ARIH1: variants seen among roughly 807,000 people sequenced by gnomAD.
ARIH1 encodes the protein ariadne RBR E3 ubiquitin protein ligase 1, also known as E3 ubiquitin-protein ligase ARIH1.
A neutral mutation model predicts 85.0 loss-of-function variants in ARIH1; 8 were observed. The ratio of observed to expected loss-of-function variants is 0.09; its 90% CI spans 0.06 to 0.17. The LOEUF (loss-of-function observed/expected upper bound fraction) is 0.17. Among genes scored for constraint, ARIH1 ranks in the 10% least tolerant of loss-of-function variants. The probability of loss-of-function intolerance (pLI) is 1.00; values close to 1 mark genes in which losing one functional copy is unlikely to be tolerated. For missense variants in ARIH1, 311 were observed against 718.1 expected (o/e 0.43, Z 6.48); for synonymous variants, 238 against 253.6 (o/e 0.94, Z 0.59).
chr15:72,562,319 C>T (rs538158173), intron 6 of ARIH1, among the ~76,000 whole-genome samples: 1 of 152,298 alleles, frequency 6.6e-6, no homozygotes, highest in Non-Finnish European at 1.5e-5. Context: ...TTCTGGCCTG[C>T]AAAACCAAAA....
intron 7 of ARIH1, among the ~76,000 whole-genome samples, 177 bp downstream of exon 7, chr15:72,563,677 A>G (rs1033108128): frequency 6.6e-6 from 1 of 152,210 alleles, no homozygotes; most frequent in African/African-American, 2.4e-5. Flanking sequence ...ACATCTTAAA[A>G]AAATTTTTCC....
At chr15:72,557,567 T>G (rs1185607009) in intron 5 of ARIH1, among the ~76,000 whole-genome samples, 2 of 152,222 alleles carry the variant, frequency 1.3e-5, no homozygotes, top group South Asian at 2.1e-4. Context: ...GTCCCACTTG[T>G]CAATTTTTGC....
chr15:72,499,604 T>G (rs2063894634), intron 1 of ARIH1, among the ~76,000 whole-genome samples: 1 of 152,246 alleles, frequency 6.6e-6, no homozygotes, highest in South Asian at 2.1e-4. Context: ...ATCAATGACA[T>G]TCTAAGTAGT....
intron 1 of ARIH1, among the ~76,000 whole-genome samples, chr15:72,485,068 C>T (rs2063832347): frequency 6.6e-6 from 1 of 152,190 alleles, no homozygotes; most frequent in South Asian, 2.1e-4. Context: ...GTTCCCTTCT[C>T]ACCACATCCA....
At chr15:72,521,546 A>G (rs1057433526) in intron 2 of ARIH1, among the ~76,000 whole-genome samples, 2 of 150,910 alleles carry the variant, frequency 1.3e-5, no homozygotes, top group Non-Finnish European at 3.0e-5. Flanking sequence ...CATGTCTTCT[A>G]ACTTTTTTTT....
intron 2 of ARIH1, among the ~76,000 whole-genome samples, chr15:72,535,701 AAGT>A (rs2064078951): frequency 2.0e-5 from 3 of 152,206 alleles, no homozygotes; most frequent in Admixed American, 1.3e-4. Context: ...CATGAATCAC[AAGT>A]AGTAGTGTGT....
chr15:72,516,427 TAA>T (rs35327365), intron 1 of ARIH1, among the ~76,000 whole-genome samples: 10 of 152,128 alleles, frequency 6.6e-5, no homozygotes, highest in African/African-American at 2.2e-4. Context: ...TGAGTTCTTT[TAA>T]AAAAAAAGTT....
intron 2 of ARIH1, among the ~76,000 whole-genome samples, chr15:72,520,919 C>T (rs984330653): frequency 6.6e-6 from 1 of 151,962 alleles, no homozygotes; most frequent in Non-Finnish European, 1.5e-5. Flanking sequence ...TCATGGCTCA[C>T]TATAGCCTTG....
chr15:72,570,720 A>G (rs2064240163), intron 10 of ARIH1, among the ~76,000 whole-genome samples: 1 of 152,236 alleles, frequency 6.6e-6, no homozygotes, highest in Non-Finnish European at 1.5e-5. Flanking sequence ...TCTGCATATC[A>G]TTAGACATTG....
intron 5 of ARIH1, among the ~76,000 whole-genome samples, chr15:72,560,429 T>G (rs1009847894): frequency 1.3e-5 from 2 of 152,200 alleles, no homozygotes; most frequent in African/African-American, 4.8e-5. Context: ...CAGGCACTAT[T>G]CTAGTCTCAC....
chr15:72,490,200 C>CA (rs150745122), intron 1 of ARIH1, among the ~76,000 whole-genome samples: 42 of 131,274 alleles, frequency 3.2e-4, no homozygotes, highest in Admixed American at 7.0e-4. Context: ...CCATCTCTAG[C>CA]AAAAAAAATG....
In ARIH1 at chr15:72,586,938, A is replaced by C. The variant is rs2064319544; in HGVS notation, c.*3646A>C. 1 of 264,608 alleles carries C rather than the reference A, an allele frequency of 3.8e-6. No individual in the cohort carries two copies. Among genetic ancestry groups the C allele is most frequent in the African/African-American group, 2.3e-5 (1 of 43,018 alleles). The allele number at this position is 264,608 out of a possible 1,614,324, so 16.4% of individuals were successfully genotyped here. On this transcript the variant is annotated 3_prime_UTR_variant, in exon 14 of 14. Transcript: ENST00000379887. ...TCATTTTAGCTCACTCTTAAAGCTG[A>C]TACTGTTATATAGGGATGAAGGGAG...
At position 72,585,886 on chromosome 15, in the gene ARIH1, C is replaced by G. The variant is rs1454469578; in HGVS notation, c.*2594C>G. 3.9e-5 allele frequency: 6 copies of G among 152,202 alleles called. No individual in the cohort carries two copies. The highest frequency in any genetic ancestry group is 1.4e-4 in the African/African-American group (6 of 41,466). The allele number at this position is 152,202 out of a possible 1,614,324, so 9.4% of individuals were successfully genotyped here. On this transcript the variant is annotated 3_prime_UTR_variant, in exon 14 of 14. Coordinates refer to ENST00000379887, the MANE Select transcript of ARIH1 (RefSeq NM_005744.5). ...GGATAGGCAAGCCATGACAGCTTCC[C>G]TGTTTCACCTACAGAAGTCTTATCT...
At position 72,590,292 on chromosome 15, in the gene ARIH1, C is replaced by T. The variant is rs1321035932; in HGVS notation, c.*7000C>T. ...CCATGCTGTATCTGCTTCTCAGTCA[C>T]CAAAAGCACCAGCTAAAATTGTATA... On this transcript the variant is annotated 3_prime_UTR_variant, in exon 14 of 14. Transcript: ENST00000379887. The T allele has an allele frequency of 1.3e-5, 2 of 152,160 alleles. No homozygotes were observed. Among genetic ancestry groups the T allele is most frequent in the Non-Finnish European group, 2.9e-5 (2 of 68,036 alleles). 9.4% of individuals were successfully genotyped at this position (152,160 alleles called of 1,614,324 possible).
chr15:72,553,182 T>C (rs957025889), intron 3 of ARIH1, among the ~76,000 whole-genome samples: 3 of 152,280 alleles, frequency 2.0e-5, no homozygotes, highest in African/African-American at 2.4e-5. Context: ...AGAGGTAAAT[T>C]ATGGCAAAAT....
chr15:72,512,243 G>C (rs1262200811), intron 1 of ARIH1, among the ~76,000 whole-genome samples: 2 of 151,780 alleles, frequency 1.3e-5, no homozygotes, highest in African/African-American at 4.8e-5. Flanking sequence ...ATGATTAGTA[G>C]AATTTTCCAG....
intron 7 of ARIH1, among the ~76,000 whole-genome samples, chr15:72,563,982 A>T (rs2140433139): frequency 6.6e-6 from 1 of 152,254 alleles, no homozygotes; most frequent in African/African-American, 2.4e-5. Flanking sequence ...CAGCCTCTGA[A>T]TTCTAGATTT....
intron 2 of ARIH1, among the ~76,000 whole-genome samples, chr15:72,519,475 G>GTTTTTTTTTTTTTTTTT (rs150165121): frequency 4.8e-5 from 3 of 62,544 alleles, no homozygotes; most frequent in Non-Finnish European, 8.4e-5. Flanking sequence ...TGTTTTTTTT[G>GTTTTTTTTTTTTTTTTT]TTTTTTTTTT....
chr15:72,579,175 C>T (rs1396014341), intron 11 of ARIH1, among the ~76,000 whole-genome samples: 1 of 152,166 alleles, frequency 6.6e-6, no homozygotes, highest in Non-Finnish European at 1.5e-5. Context: ...TCTCCTCTAC[C>T]TGTTGTTCCT....
Sources: allele counts gnomAD v4.1 joint callset (sites outside exome capture counted in the v4.1 genomes callset), GRCh38; gene constraint gnomAD v4.1.1; transcripts MANE v1.5; gene names NCBI Gene and HGNC (gene_info 2026-07-23, HGNC 2026-07-21).